The following PDZD2 variants were observed in gnomAD, a reference collection of about 807,000 sequenced individuals.
PDZD2 encodes PDZ domain containing 2, also known as PDZ domain-containing protein 2.
PDZD2 carries 90 observed loss-of-function variants against 220.7 expected under a neutral mutation model. The ratio of observed to expected loss-of-function variants is 0.41; its 90% confidence interval spans 0.34 to 0.49. PDZD2 has a LOEUF of 0.49. Among genes scored for constraint, PDZD2 ranks in the 20% least tolerant of loss-of-function variants. The probability of loss-of-function intolerance (pLI) is 0.28; values close to 1 mark genes in which losing one functional copy is unlikely to be tolerated. For synonymous variants in PDZD2, 1,375 were observed against 1,450.5 expected (o/e 0.95, Z 1.18); for missense variants, 3,174 against 3,608.5 (o/e 0.88, Z 3.08).
chr5:31,976,714 C>CTTTTTTTTTTTTTTTTTTTTT (rs869280921), intron 2 of PDZD2, among the ~76,000 whole-genome samples: 8 of 99,716 alleles, frequency 8.0e-5, no homozygotes, highest in Admixed American at 1.2e-4. Context: ...TTTCTTCTTT[C>CTTTTTTTTTTTTTTTTTTTTT]TTTTTTTTTT....
intron 5 of PDZD2, among the ~76,000 whole-genome samples, chr5:32,006,665 C>G (rs1378874796): frequency 6.7e-6 from 1 of 149,944 alleles, no homozygotes; most frequent in Admixed American, 6.6e-5. Flanking sequence ...GCATGAACCA[C>G]TGCCAGGCTC....
rs148804527 is a variant in PDZD2, at chr5:31,731,974, G to A, written c.-360-66915G>A. Among the ~76,000 whole-genome samples, 447 of 152,350 alleles carry A rather than the reference G, an allele frequency of 2.9e-3. 6 individuals carry two copies. The highest frequency in any genetic ancestry group is 9.2e-3 in the African/African-American group (383 of 41,582). On this transcript the variant is annotated intron_variant, in intron 1 of 24. Transcript: ENST00000438447. ...GGCTGCCATTAGGGCCATTAGAGGAGCTTTGCTAGGATCATGAAATCTGAG... is the reference window on the plus strand; with the variant it reads ...GGCTGCCATTAGGGCCATTAGAGGAACTTTGCTAGGATCATGAAATCTGAG...
intron 2 of PDZD2, among the ~76,000 whole-genome samples, chr5:31,874,456 T>G (rs781301060): frequency 6.6e-6 from 1 of 152,128 alleles, no homozygotes; most frequent in Non-Finnish European, 1.5e-5. Flanking sequence ...AGAATTCTTT[T>G]CAAAACTTGA....
In PDZD2 at chr5:32,000,246, T is replaced by C. The variant is rs1751994044; in HGVS notation, c.1229T>C (p.Met410Thr). ...AVAILRSATG[M>T]VQLVVASKEN... ...GCCATTCTTCGCTCCGCCACGGGAA[T>C]GGTGCAGCTTGTGGTGGCCAGCAAG... Residue 410 changes from methionine to threonine, a missense_variant, in exon 5 of 25, where the codon ATG becomes ACG. Transcript: ENST00000438447. This position sits in a 1 kb window ranked among gnomAD's most constrained non-coding sequence, Gnocchi z 4.5. 1.9e-6 allele frequency: 3 copies of C among 1,614,192 alleles called. No homozygotes were observed. Among genetic ancestry groups the C allele is most frequent in the Non-Finnish European group, 2.5e-6 (3 of 1,180,038 alleles).
chr5:31,841,541 C>T (rs570053950), intron 2 of PDZD2, among the ~76,000 whole-genome samples: 3 of 152,080 alleles, frequency 2.0e-5, no homozygotes, highest in Admixed American at 6.6e-5. Flanking sequence ...GACATGGTGG[C>T]GGGCGCCTGT....
chr5:31,971,070 C>T (rs1444743100), intron 2 of PDZD2, among the ~76,000 whole-genome samples: 1 of 152,226 alleles, frequency 6.6e-6, no homozygotes, highest in Non-Finnish European at 1.5e-5. Flanking sequence ...GATGACTGCT[C>T]ACTCCATCCT....
intron 1 of PDZD2, among the ~76,000 whole-genome samples, chr5:31,708,228 A>G (rs879637533): frequency 6.6e-6 from 1 of 152,196 alleles, no homozygotes; most frequent in African/African-American, 2.4e-5. Flanking sequence ...CTCTGAGCAC[A>G]TATATGACTC....
chr5:31,969,531 A>AAAAAAAAAAAAAAAAAAAAAAAC (rs1749095050), intron 2 of PDZD2, among the ~76,000 whole-genome samples: 9 of 145,538 alleles, frequency 6.2e-5, no homozygotes, highest in Non-Finnish European at 1.2e-4. Flanking sequence ...AAAAAAAAAA[A>AAAAAAAAAAAAAAAAAAAAAAAC]AAAACAATGG....
At chr5:31,969,221 G>A (rs192034596) in intron 2 of PDZD2, among the ~76,000 whole-genome samples, 1 of 152,116 alleles carries the variant, frequency 6.6e-6, no homozygotes, top group Admixed American at 6.5e-5. Context: ...AAAAGGACAT[G>A]TTCAGCCAGG....
intron 2 of PDZD2, among the ~76,000 whole-genome samples, chr5:31,939,760 T>C (rs773854031): frequency 6.6e-6 from 1 of 152,200 alleles, no homozygotes; most frequent in Non-Finnish European, 1.5e-5. Flanking sequence ...AGCCCAAAGC[T>C]GAAGCATCTG....
intron 6 of PDZD2, among the ~76,000 whole-genome samples, chr5:32,032,465 T>C (rs1755201042): frequency 6.6e-6 from 1 of 152,138 alleles, no homozygotes; most frequent in African/African-American, 2.4e-5. Flanking sequence ...CTTCCAGAGG[T>C]CCTCTTCTGG....
Position 32,101,225 on chromosome 5 carries a change from A to C in PDZD2, c.8339A>C (p.Lys2780Thr), listed in dbSNP as rs1159596884. ...SVTGDGPLVI[K>T]RVYKGGAAEQ... ...ACGGGAGATGGGCCCTTGGTCATTA[A>C]AAGAGTGTACAAAGGTAATGTTCTA... The change falls in exon 24 of 25, where the codon AAA becomes ACA. Residue 2780 changes from lysine to threonine, a missense_variant. Coordinates refer to ENST00000438447, the MANE Select transcript of PDZD2 (RefSeq NM_178140.4). 6.2e-7 allele frequency: 1 copy of C among 1,613,078 alleles called. No individual in the cohort carries two copies. The highest frequency in any genetic ancestry group is 8.5e-7 in the Non-Finnish European group (1 of 1,179,516).
rs1554035494 is a variant in PDZD2 at position 32,060,879 on chromosome 5, T to TC, written c.2319-123_2319-122insC. On this transcript the variant is annotated intron_variant, in intron 13 of 24. Coordinates refer to ENST00000438447, the MANE Select transcript of PDZD2 (RefSeq NM_178140.4). Reference sequence around the variant, plus strand: ...TTACATGTATGCCAACGGGAAAAGATATGAGCTTCTTTAAAGTATTCAGAA... The same window carrying TC: ...TTACATGTATGCCAACGGGAAAAGATCATGAGCTTCTTTAAAGTATTCAGAA... 6.7e-3 allele frequency: 5,503 copies of TC among 821,198 alleles called. 72 individuals are homozygous for TC. The highest frequency in any genetic ancestry group is 0.023 in the Middle Eastern group (94 of 4,140). 50.9% of individuals were successfully genotyped at this position (821,198 alleles called of 1,614,324 possible).
chr5:32,039,396 C>T (rs1440286768), intron 7 of PDZD2, among the ~76,000 whole-genome samples: 1 of 151,328 alleles, frequency 6.6e-6, no homozygotes. Flanking sequence ...CGGAGTCTCG[C>T]TCACTCAATG....
intron 2 of PDZD2, among the ~76,000 whole-genome samples, chr5:31,971,975 C>G (rs1474864714): frequency 6.6e-6 from 1 of 152,222 alleles, no homozygotes; most frequent in South Asian, 2.1e-4. Flanking sequence ...CTGGAACATT[C>G]TTCTCCCAGG....
intron 1 of PDZD2, among the ~76,000 whole-genome samples, chr5:31,793,302 G>A (rs1322158680): frequency 1.3e-5 from 2 of 152,090 alleles, no homozygotes; most frequent in Admixed American, 6.5e-5. Context: ...GCTCCTAGCA[G>A]AGTGGGGGCA....
intron 2 of PDZD2, among the ~76,000 whole-genome samples, chr5:31,930,234 C>T (rs1423261944): frequency 5.3e-5 from 7 of 132,174 alleles, no homozygotes; most frequent in Admixed American, 5.3e-4. Context: ...TGGAGACAGT[C>T]TCGCTCTGTC....
chr5:32,040,629 C>T lies in PDZD2; in HGVS notation c.1519+3287C>T, dbSNP rs370261854. 5.5e-4 allele frequency among the ~76,000 whole-genome samples: 81 copies of T among 148,458 alleles called. 1 individual carries two copies. The East Asian group carries it at 0.011, about 21-fold the overall frequency. On this transcript the variant is annotated intron_variant, in intron 7 of 24. Transcript: ENST00000438447. Reference sequence around the variant, plus strand: ...GGGGAGCGCCTCTGCCCGGCCGCCCCGTCTGGGAGGAAGTGAGGAGCACCT... The same window carrying T: ...GGGGAGCGCCTCTGCCCGGCCGCCCTGTCTGGGAGGAAGTGAGGAGCACCT...
At position 32,088,570 on chromosome 5, in the gene PDZD2, A is replaced by G. The variant is rs1742759240; in HGVS notation, c.5122A>G (p.Asn1708Asp). Reference protein sequence around the residue: ...EVTSASSAMENSPLSKVARHF... With the variant: ...EVTSASSAMEDSPLSKVARHF... ...CACCAGCGCTAGCTCAGCCATGGAA[A>G]ACAGTCCGCTGTCTAAAGTAGCCAG... The change falls in exon 20 of 25, where the codon AAC (asparagine) becomes GAC (aspartate). Residue 1708 changes from asparagine (N) to aspartate (D), a missense_variant. Physicochemically the swap from Asn to Asp is conservative, Grantham distance 23 (BLOSUM62 1). This residue lies in a region of PDZD2 where 1,861 missense variants were observed against 2,001.0 expected (regional missense o/e 0.93). Coordinates refer to ENST00000438447, the MANE Select transcript of PDZD2 (RefSeq NM_178140.4). The surrounding 1 kb of genome is among the most constrained non-coding windows in gnomAD (Gnocchi z 4.6). 6.2e-7 allele frequency: 1 copy of G among 1,614,160 alleles called. No individual in the cohort carries two copies. Among genetic ancestry groups the G allele is most frequent in the African/African-American group, 1.3e-5 (1 of 75,050 alleles).
Sources: gnomAD v4.1 joint callset for allele counts (sites outside exome capture counted in the v4.1 genomes callset) on GRCh38, gnomAD v4.1.1 for gene constraint, gnomAD v4.1.1 regional missense constraint, Gnocchi (gnomAD v3.1) non-coding constraint, MANE v1.5 for transcripts, NCBI Gene and HGNC (gene_info 2026-07-23, HGNC 2026-07-21) for gene names.